MRPL42: variants seen among roughly 807,000 people sequenced by gnomAD.
MRPL42 encodes the protein mitochondrial ribosomal protein L42, also known as large ribosomal subunit protein mL42.
Under a neutral mutation model 17.9 loss-of-function variants are expected in MRPL42, and 17 were observed. The observed-to-expected ratio is 0.95, with a 90% CI of 0.65 to 1.42. The LOEUF (loss-of-function observed/expected upper bound fraction) is 1.42, where lower values mean the gene tolerates loss of function less well. Ranked by LOEUF, MRPL42 falls within the 40% of genes most tolerant of loss-of-function variation. The probability of loss-of-function intolerance (pLI) is 0.00; values close to 1 mark genes in which losing one functional copy is unlikely to be tolerated. For missense variants in MRPL42, 177 were observed against 175.2 expected (o/e 1.01, Z -0.06); for synonymous variants, 59 against 54.4 (o/e 1.08, Z -0.37).
intron 2 of MRPL42, among the ~76,000 whole-genome samples, chr12:93,471,298 G>C (rs1179874147): frequency 6.6e-6 from 1 of 151,906 alleles, no homozygotes; most frequent in African/African-American, 2.4e-5. Context: ...CGAGTAGCTG[G>C]GATTATAGGC....
In MRPL42 at chr12:93,476,999, T is replaced by C; in HGVS notation, c.116T>C (p.Leu39Pro). 6.2e-7 allele frequency: 1 copy of C among 1,603,640 alleles called. No homozygotes were observed. Among genetic ancestry groups the C allele is most frequent in the East Asian group, 2.2e-5 (1 of 44,576 alleles). The change falls in exon 3 of 6, where the codon CTA (leucine) becomes CCA (proline). Residue 39 changes from leucine (L) to proline (P), a missense_variant. Transcript: ENST00000549982. ...CVCHKSTYSP[L>P]PDDYNCNVEL... ...TGTCATAAATCTACGTATTCTCCTC[T>C]ACCAGATGACTATAATTGGTATGTA...
At position 93,512,659 on chromosome 12, in the gene MRPL42, G is replaced by C. The variant is rs1374827913; in HGVS notation, c.*11438G>C. 2 of 152,320 alleles carry C rather than the reference G, an allele frequency of 1.3e-5. No homozygotes were observed. The highest frequency in any genetic ancestry group is 4.8e-5 in the African/African-American group (2 of 41,468). The allele number at this position is 152,320 out of a possible 1,614,324, so 9.4% of individuals were successfully genotyped here. On this transcript the variant is annotated 3_prime_UTR_variant, in exon 6 of 6. Coordinates refer to ENST00000549982, the MANE Select transcript of MRPL42 (RefSeq NM_014050.4). ...TGAAAGACCAGAGTTGCTACAGATT[G>C]TTATTACATGTTCCATAATTTAACA...
At chr12:93,501,009 T>G in intron 5 of MRPL42, 167 bp from the exon 6 acceptor site, 1 of 544,896 alleles carries the variant, frequency 1.8e-6, no homozygotes, top group Non-Finnish European at 3.2e-6. Context: ...GAAAACAAAT[T>G]TTCACAATGG....
rs1441983177 is a variant in MRPL42, at chr12:93,469,364, A to G, written c.70+9A>G. 2 of 1,578,964 alleles carry G rather than the reference A, an allele frequency of 1.3e-6. No individual in the cohort carries two copies. The highest frequency in any genetic ancestry group is 1.9e-5 in the Admixed American group (1 of 52,126). On this transcript the variant is annotated intron_variant, in intron 2 of 5. Coordinates refer to ENST00000549982, the MANE Select transcript of MRPL42 (RefSeq NM_014050.4). The stretch of plus-strand genomic sequence containing the variant: ...TTTATTTCCAGTCCAAAGTAAGTGA[A>G]ATTTTTTTTAATGTTTAAAAACTTT...
rs1389548475 is a variant in MRPL42, at chr12:93,503,223, C to T, written c.*2002C>T. The stretch of plus-strand genomic sequence containing the variant: ...GGGAAACCACCAGAGGGCACTCTCA[C>T]CCAGGGCTTAATTTGAACATCTCGC... On this transcript the variant is annotated 3_prime_UTR_variant, in exon 6 of 6. Transcript: ENST00000549982. 1 of 152,150 alleles carries T rather than the reference C, an allele frequency of 6.6e-6. No individual in the cohort carries two copies. The highest frequency in any genetic ancestry group is 1.5e-5 in the Non-Finnish European group (1 of 68,030). 9.4% of individuals were successfully genotyped at this position (152,150 alleles called of 1,614,324 possible).
chr12:93,489,842 C>T (rs1953381895), intron 5 of MRPL42, among the ~76,000 whole-genome samples: 1 of 152,190 alleles, frequency 6.6e-6, no homozygotes, highest in African/African-American at 2.4e-5. Flanking sequence ...GGCCTTCCTT[C>T]TTATTTAATA....
rs1336848226 is a variant in MRPL42 at position 93,510,084 on chromosome 12, G to A, written c.*8863G>A. 2 of 152,314 alleles carry A rather than the reference G, an allele frequency of 1.3e-5. No individual in the cohort carries two copies. The highest frequency in any genetic ancestry group is 4.8e-5 in the African/African-American group (2 of 41,430). The allele number at this position is 152,314 out of a possible 1,614,324, so 9.4% of individuals were successfully genotyped here. ...GTCTACACTGTCCTAAAAACCCTTGGCTCTGCCTCTTCGTCGTGTCCTCCC... is the reference window on the plus strand; with the variant it reads ...GTCTACACTGTCCTAAAAACCCTTGACTCTGCCTCTTCGTCGTGTCCTCCC... On this transcript the variant is annotated 3_prime_UTR_variant, in exon 6 of 6. Transcript: ENST00000549982.
Position 93,502,590 on chromosome 12 carries a change from A to G in MRPL42, c.*1369A>G, listed in dbSNP as rs1032524414. The G allele has an allele frequency of 2.0e-5, 3 of 152,214 alleles. No individual in the cohort carries two copies. The highest frequency in any genetic ancestry group is 7.2e-5 in the African/African-American group (3 of 41,454). The allele number at this position is 152,214 out of a possible 1,614,324, so 9.4% of individuals were successfully genotyped here. On this transcript the variant is annotated 3_prime_UTR_variant, in exon 6 of 6. Transcript: ENST00000549982. ...GTTAAGTGGTTTACTTTTTCCATTA[A>G]TATAAATTTCATTTGGAAAGATTAA...
intron 4 of MRPL42, among the ~76,000 whole-genome samples, chr12:93,486,138 A>G (rs1256611871): frequency 6.6e-6 from 1 of 151,906 alleles, no homozygotes; most frequent in Non-Finnish European, 1.5e-5. Context: ...CAAGACACTG[A>G]TTCTTAAAGT....
At chr12:93,487,353 G>A in intron 4 of MRPL42, 144 bp from the exon 5 acceptor site, 1 of 664,332 alleles carries the variant, frequency 1.5e-6, no homozygotes, top group Non-Finnish European at 2.4e-6. Context: ...TGCACTAAGT[G>A]AAACTTTGTT....
chr12:93,475,694 G>A (rs1880131997), intron 2 of MRPL42, among the ~76,000 whole-genome samples: 1 of 152,042 alleles, frequency 6.6e-6, no homozygotes. Context: ...TTTTAAAAAA[G>A]CAGTTTATAG....
chr12:93,471,662 A>AT (rs1303933454), intron 2 of MRPL42, among the ~76,000 whole-genome samples: 2 of 152,072 alleles, frequency 1.3e-5, no homozygotes, highest in African/African-American at 4.8e-5. Context: ...CCACTCTCCC[A>AT]TTTTTTAGGG....
intron 4 of MRPL42, among the ~76,000 whole-genome samples, chr12:93,479,989 C>T (rs906184416): frequency 6.6e-6 from 1 of 151,258 alleles, no homozygotes; most frequent in African/African-American, 2.4e-5. Context: ...TTTAAAAAGC[C>T]AAGTACTAGA....
chr12:93,500,094 A>G (rs1184178693), intron 5 of MRPL42, among the ~76,000 whole-genome samples: 2 of 152,196 alleles, frequency 1.3e-5, no homozygotes, highest in Admixed American at 1.3e-4. Context: ...AAATCACTCA[A>G]AAACTATCAC....
At chr12:93,470,274 A>G (rs549981255) in intron 2 of MRPL42, among the ~76,000 whole-genome samples, 1 of 152,296 alleles carries the variant, frequency 6.6e-6, no homozygotes, top group South Asian at 2.1e-4. Flanking sequence ...CATGGACCCA[A>G]ATAAGTAAAT....
chr12:93,473,225 A>G (rs1005761294), intron 2 of MRPL42, among the ~76,000 whole-genome samples: 1 of 152,044 alleles, frequency 6.6e-6, no homozygotes, highest in Non-Finnish European at 1.5e-5. Context: ...CTATATCCAG[A>G]ATTACTTCCA....
rs181264715 is a variant in MRPL42 at position 93,471,563 on chromosome 12, A to G, written c.70+2208A>G. Among the ~76,000 whole-genome samples the G allele has an allele frequency of 5.3e-5, 8 of 152,148 alleles. No homozygotes were observed. In the East Asian group the frequency reaches 1.2e-3, roughly 22 times the overall value. On this transcript the variant is annotated intron_variant, in intron 2 of 5. Transcript: ENST00000549982. ...TGATCTGCCCACCTCAGCCTCCGAG[A>G]GTGCTGGGATTATAGGCATGAGCCA...
At chr12:93,470,565 C>T in intron 2 of MRPL42, 1 of 1,281,640 alleles carries the variant, frequency 7.8e-7, no homozygotes, top group Non-Finnish European at 1.0e-6. Flanking sequence ...ACCCGTCACC[C>T]AAATAGTGAA....
At chr12:93,474,684 C>T (rs981611482) in intron 2 of MRPL42, among the ~76,000 whole-genome samples, 1 of 152,152 alleles carries the variant, frequency 6.6e-6, no homozygotes, top group Non-Finnish European at 1.5e-5. Context: ...CAGTGTTGGC[C>T]TCCCAAAGTG....
Sources: allele counts gnomAD v4.1 joint callset (sites outside exome capture counted in the v4.1 genomes callset), GRCh38; gene constraint gnomAD v4.1.1; transcripts MANE v1.5; gene names NCBI Gene and HGNC (gene_info 2026-07-23, HGNC 2026-07-21).